JMJD1C: variants seen among roughly 807,000 people sequenced by gnomAD.
JMJD1C encodes jumonji domain-containing protein 1C.
A neutral mutation model predicts 245.3 loss-of-function variants in JMJD1C; 31 were observed. The ratio of observed to expected loss-of-function variants is 0.13; its 90% CI spans 0.09 to 0.17. The LOEUF is 0.17. JMJD1C is among the 10% of genes least tolerant of loss of function. JMJD1C has a pLI of 1.00. For synonymous variants in JMJD1C, 1,057 were observed against 1,017.4 expected (o/e 1.04, Z -0.74); for missense variants, 2,691 against 3,000.2 (o/e 0.90, Z 2.41).
At chr10:63,259,426 A>T (rs1012875542) in intron 3 of JMJD1C, among the ~76,000 whole-genome samples, 1 of 152,030 alleles carries the variant, frequency 6.6e-6, no homozygotes, top group Non-Finnish European at 1.5e-5. Context: ...AAAAAAATAC[A>T]TGTCTCTGGT....
chr10:63,196,928 T>C (rs1016415143), intron 13 of JMJD1C, among the ~76,000 whole-genome samples: 3 of 152,026 alleles, frequency 2.0e-5, no homozygotes, highest in African/African-American at 7.2e-5. Context: ...TCCCAGGTAA[T>C]TGGGACTACA....
At chr10:63,433,569 CTCTTT>C (rs71463522) in intron 1 of JMJD1C, among the ~76,000 whole-genome samples, 43,325 of 136,678 alleles carry the variant, frequency 0.32, 7,498 homozygotes, top group East Asian at 0.53. Context: ...AAACAATGTA[CTCTTT>C]TCTTTTCTTT....
intron 1 of JMJD1C, among the ~76,000 whole-genome samples, chr10:63,472,913 T>C (rs1021562388): frequency 2.0e-5 from 3 of 151,864 alleles, no homozygotes; most frequent in African/African-American, 7.3e-5. Flanking sequence ...GCCTCCCGAG[T>C]AGGTGGGACT....
intron 1 of JMJD1C, among the ~76,000 whole-genome samples, chr10:63,435,588 C>A (rs953868424): frequency 2.6e-5 from 4 of 152,070 alleles, no homozygotes; most frequent in Non-Finnish European, 5.9e-5. Flanking sequence ...CTCCTGAATT[C>A]CAGTTGAAAA....
At chr10:63,314,141 T>G (rs571579245) in intron 2 of JMJD1C, among the ~76,000 whole-genome samples, 1 of 152,242 alleles carries the variant, frequency 6.6e-6, no homozygotes, top group Non-Finnish European at 1.5e-5. Context: ...TACATGTGAC[T>G]TGCCAATTCT....
At chr10:63,289,490 A>G (rs2133931001) in intron 2 of JMJD1C, among the ~76,000 whole-genome samples, 1 of 152,298 alleles carries the variant, frequency 6.6e-6, no homozygotes. Context: ...CTTTGGGAGT[A>G]TTTGTTTTTT....
rs757141296 is a variant in JMJD1C, at chr10:63,206,668, ATCT to A, written c.4998_5000del (p.Glu1666del). The A allele has an allele frequency of 2.8e-5, 45 of 1,612,432 alleles. No individual in the cohort carries two copies. The highest frequency in any genetic ancestry group is 3.4e-5 in the Admixed American group (2 of 59,642). The stretch of plus-strand genomic sequence containing the variant: ...TGCTGAGAACTCCATTGGGTTTCAA[ATCT>A]TCTTCTATTTCACCTTTTCTCTTTT... On this transcript the variant is annotated inframe_deletion, in exon 10 of 26. Transcript: ENST00000399262.
At chr10:63,387,745 C>G (rs1017419432) in intron 1 of JMJD1C, among the ~76,000 whole-genome samples, 4 of 142,504 alleles carry the variant, frequency 2.8e-5, no homozygotes, top group Non-Finnish European at 4.5e-5. Flanking sequence ...CTGCCATTCT[C>G]CTGCCTCAGC....
chr10:63,431,464 A>C (rs1950741478), intron 1 of JMJD1C, among the ~76,000 whole-genome samples: 1 of 152,202 alleles, frequency 6.6e-6, no homozygotes, highest in Non-Finnish European at 1.5e-5. Context: ...TAGGGACTTC[A>C]AGTTGTAAAT....
At chr10:63,372,140 G>C (rs528872906) in intron 2 of JMJD1C, among the ~76,000 whole-genome samples, 3 of 152,270 alleles carry the variant, frequency 2.0e-5, no homozygotes, top group African/African-American at 4.8e-5. Flanking sequence ...TTTTGGAACA[G>C]ATAGTAAGTA....
chr10:63,463,539 A>G (rs1952949251), intron 1 of JMJD1C, among the ~76,000 whole-genome samples: 1 of 152,212 alleles, frequency 6.6e-6, no homozygotes, highest in South Asian at 2.1e-4. Flanking sequence ...TGTTAATGCT[A>G]AACTGTTCCA....
intron 2 of JMJD1C, among the ~76,000 whole-genome samples, chr10:63,373,448 T>G (rs1946470753): frequency 6.6e-6 from 1 of 152,216 alleles, no homozygotes; most frequent in Admixed American, 6.5e-5. Flanking sequence ...GGATTTGTTT[T>G]TGTCTTGTCA....
chr10:63,299,886 A>AG (rs1051392577), intron 2 of JMJD1C, among the ~76,000 whole-genome samples: 2 of 150,314 alleles, frequency 1.3e-5, no homozygotes, highest in Non-Finnish European at 3.0e-5. Flanking sequence ...TTGAATTTTC[A>AG]GTTTTTTTTT....
At chr10:63,421,548 C>T (rs1247178811) in intron 1 of JMJD1C, among the ~76,000 whole-genome samples, 3 of 152,120 alleles carry the variant, frequency 2.0e-5, no homozygotes, top group Admixed American at 6.5e-5. Flanking sequence ...TTGAGTTGTA[C>T]ATTTGTACTT....
At chr10:63,332,296 G>A (rs1942245716) in intron 2 of JMJD1C, among the ~76,000 whole-genome samples, 1 of 152,130 alleles carries the variant, frequency 6.6e-6, no homozygotes, top group African/African-American at 2.4e-5. Flanking sequence ...TAAATTTGAT[G>A]TCAATTCATG....
rs1310966531 is a variant in JMJD1C at position 63,177,699 on chromosome 10, T to C, written c.7224+18A>G. 4 of 1,613,280 alleles carry C rather than the reference T, an allele frequency of 2.5e-6. No individual in the cohort carries two copies. The highest frequency in any genetic ancestry group is 1.3e-5 in the African/African-American group (1 of 75,020). On this transcript the variant is annotated intron_variant, in intron 23 of 25. Transcript: ENST00000399262. ...CTTGCTTGAGGGGAAGAGATATTAT[T>C]TGCAAACTAACTTATACCTTTTGAA...
At chr10:63,238,816 G>A (rs926054256) in intron 3 of JMJD1C, among the ~76,000 whole-genome samples, 1 of 152,158 alleles carries the variant, frequency 6.6e-6, no homozygotes, top group East Asian at 1.9e-4. Context: ...AATTTATTAG[G>A]AATATATTTC....
At chr10:63,316,813 G>C (rs926407446) in intron 2 of JMJD1C, among the ~76,000 whole-genome samples, 2 of 152,020 alleles carry the variant, frequency 1.3e-5, no homozygotes. Flanking sequence ...TATTGATCAA[G>C]TTAAGGTATT....
chr10:63,203,159 T>C lies in JMJD1C; in HGVS notation c.5075-2482A>G, dbSNP rs943644006. On this transcript the variant is annotated intron_variant, in intron 10 of 25. Transcript: ENST00000399262. ...GTAGAGCTTTTGATATTATAATTTT[T>C]GCTTCTAGACAAGGCCACACATGAC... 3.0e-6 allele frequency: 3 copies of C among 984,886 alleles called. No individual in the cohort carries two copies. The African/African-American group carries it at 5.2e-5, about 17-fold the overall frequency. 61.0% of individuals were successfully genotyped at this position (984,886 alleles called of 1,614,324 possible).
Sources: allele counts gnomAD v4.1 joint callset (sites outside exome capture counted in the v4.1 genomes callset), GRCh38; gene constraint gnomAD v4.1.1; transcripts MANE v1.5; gene names NCBI Gene and HGNC (gene_info 2026-07-23, HGNC 2026-07-21).